Variants in NELL2 observed in about 807,000 individuals in gnomAD.
NELL2 encodes the protein neural EGFL like 2.
NELL2 carries 41 observed loss-of-function variants against 109.6 expected under a neutral mutation model. That is an observed-to-expected ratio of 0.37 (90% CI 0.29 to 0.49). The LOEUF is 0.49. Ranked by LOEUF, NELL2 falls within the 20% of genes least tolerant of loss-of-function variation. The pLI is 0.98. For synonymous variants in NELL2, 355 were observed against 344.7 expected, an observed-to-expected ratio of 1.03 and a Z score of -0.33; for missense variants, 900 against 1,008.3, an observed-to-expected ratio of 0.89 and a Z score of 1.45.
intron 1 of NELL2, among the ~76,000 whole-genome samples, chr12:44,906,713 G>A (rs1004209306): frequency 6.6e-6 from 1 of 152,030 alleles, no homozygotes; most frequent in Non-Finnish European, 1.5e-5. Flanking sequence ...AAGAGATGGA[G>A]AAAGGAAGCA....
intron 9 of NELL2, among the ~76,000 whole-genome samples, chr12:44,715,115 C>A (rs1157202202): frequency 6.6e-6 from 1 of 151,418 alleles, no homozygotes; most frequent in Non-Finnish European, 1.5e-5. Flanking sequence ...ACTCAGGGAA[C>A]AATATGAGAA....
chr12:44,681,217 T>C (rs1948487076), intron 12 of NELL2, among the ~76,000 whole-genome samples: 1 of 150,728 alleles, frequency 6.6e-6, no homozygotes, highest in South Asian at 2.1e-4. Context: ...TCTTTTCTTA[T>C]ATTTTGTCTA....
intron 9 of NELL2, among the ~76,000 whole-genome samples, chr12:44,715,861 G>T (rs1049395449): frequency 6.6e-6 from 1 of 152,252 alleles, no homozygotes; most frequent in East Asian, 1.9e-4. Context: ...ATGAGAAATT[G>T]TCTCACTCTT....
At chr12:44,550,178 G>A (rs544079104) in intron 15 of NELL2, among the ~76,000 whole-genome samples, 1 of 151,836 alleles carries the variant, frequency 6.6e-6, no homozygotes, top group South Asian at 2.1e-4. Context: ...GGAGAAAACT[G>A]GATATTCACA....
chr12:44,788,785 C>T (rs1592535155), intron 3 of NELL2, among the ~76,000 whole-genome samples: 1 of 152,176 alleles, frequency 6.6e-6, no homozygotes, highest in East Asian at 1.9e-4. Flanking sequence ...TCTAGCTCAC[C>T]CACCACCTGG....
chr12:44,692,954 T>C (rs1196178746), intron 12 of NELL2, among the ~76,000 whole-genome samples: 2 of 152,164 alleles, frequency 1.3e-5, no homozygotes, highest in Non-Finnish European at 2.9e-5. Flanking sequence ...GAATTTAGAA[T>C]ATCACAAAAA....
chr12:44,551,814 T>A (rs1043824972), intron 15 of NELL2, among the ~76,000 whole-genome samples: 3 of 152,072 alleles, frequency 2.0e-5, no homozygotes, highest in Admixed American at 2.0e-4. Flanking sequence ...AGTGGCTTTT[T>A]AAAAAAACCA....
chr12:44,796,264 C>T (rs1172865200), intron 3 of NELL2, among the ~76,000 whole-genome samples: 3 of 152,042 alleles, frequency 2.0e-5, no homozygotes, highest in Non-Finnish European at 4.4e-5. Flanking sequence ...AGCAAAATTT[C>T]AGGATGGGTT....
At chr12:44,618,794 A>G (rs1945930692) in intron 13 of NELL2, among the ~76,000 whole-genome samples, 2 of 152,334 alleles carry the variant, frequency 1.3e-5, no homozygotes, top group South Asian at 4.1e-4. Flanking sequence ...AGTAACAATA[A>G]TGATAGTAGC....
chr12:44,829,593 G>T (rs1566487876), intron 2 of NELL2, among the ~76,000 whole-genome samples: 1 of 152,108 alleles, frequency 6.6e-6, no homozygotes, highest in East Asian at 1.9e-4. Flanking sequence ...TTAAAGAAAA[G>T]AAAAAACCTT....
chr12:44,919,432 A>G (rs968859714), intron 1 of NELL2, among the ~76,000 whole-genome samples: 11 of 152,096 alleles, frequency 7.2e-5, no homozygotes, highest in African/African-American at 2.4e-4. Flanking sequence ...TGTTCCCCTA[A>G]AAGATGTTAA....
At chr12:44,807,668 T>C (rs1566440899) in intron 3 of NELL2, among the ~76,000 whole-genome samples, 1 of 152,072 alleles carries the variant, frequency 6.6e-6, no homozygotes, top group Non-Finnish European at 1.5e-5. Flanking sequence ...ATTAGAAATA[T>C]TTTTTAATGC....
In NELL2 at chr12:44,683,443, A is replaced by C. The variant is rs1042021347; in HGVS notation, c.1319-17834T>G. ...TCCTGCCTAACTGCCCTGGCCAGAA[A>C]CTCCAACACTATGTTGAATAGGAGT... On this transcript the variant is annotated intron_variant, in intron 12 of 19. Transcript: ENST00000429094. 2.1e-4 allele frequency among the ~76,000 whole-genome samples: 31 copies of C among 151,194 alleles called. 1 individual carries two copies. The highest frequency in any genetic ancestry group is 4.9e-4 in the African/African-American group (20 of 40,570).
intron 9 of NELL2, among the ~76,000 whole-genome samples, chr12:44,749,447 A>T (rs1038857049): frequency 5.9e-5 from 9 of 152,088 alleles, no homozygotes. Flanking sequence ...GCATTTCCCA[A>T]CCTGGACATA....
At chr12:44,747,004 G>A (rs1336123548) in intron 9 of NELL2, among the ~76,000 whole-genome samples, 1 of 152,196 alleles carries the variant, frequency 6.6e-6, no homozygotes, top group Non-Finnish European at 1.5e-5. Context: ...GCACACGTAT[G>A]TTTATAGCAG....
intron 15 of NELL2, among the ~76,000 whole-genome samples, chr12:44,559,766 T>A (rs1565925598): frequency 6.6e-6 from 1 of 152,076 alleles, no homozygotes; most frequent in Non-Finnish European, 1.5e-5. Flanking sequence ...ATTAGACAGA[T>A]CAATGAGACA....
chr12:44,666,172 G>C (rs1947918741), intron 12 of NELL2, among the ~76,000 whole-genome samples: 1 of 152,170 alleles, frequency 6.6e-6, no homozygotes, highest in South Asian at 2.1e-4. Context: ...TGATATAGAT[G>C]AGAAGTTACA....
At chr12:44,824,491 T>C (rs962074039) in intron 2 of NELL2, among the ~76,000 whole-genome samples, 12 of 152,074 alleles carry the variant, frequency 7.9e-5, no homozygotes, top group Non-Finnish European at 1.2e-4. Flanking sequence ...CCCAACACTA[T>C]TTATTGAAGA....
intron 2 of NELL2, among the ~76,000 whole-genome samples, chr12:44,850,410 T>C (rs915162263): frequency 1.3e-5 from 2 of 152,130 alleles, no homozygotes; most frequent in Non-Finnish European, 2.9e-5. Flanking sequence ...TAGTAATTTT[T>C]CTTTTAAAAG....
Sources: gnomAD v4.1 joint callset for allele counts (sites outside exome capture counted in the v4.1 genomes callset) on GRCh38, gnomAD v4.1.1 for gene constraint, MANE v1.5 for transcripts, NCBI Gene and HGNC (gene_info 2026-07-23, HGNC 2026-07-21) for gene names.